MCM10: variants seen among roughly 807,000 people sequenced by gnomAD.
MCM10 encodes the protein minichromosome maintenance 10 replication initiation factor.
MCM10 carries 91 observed loss-of-function variants against 109.9 expected under a neutral mutation model. The observed-to-expected ratio is 0.83, with a 90% confidence interval of 0.70 to 0.99. The LOEUF is 0.99. Among genes scored for constraint, MCM10 ranks in the 50% least tolerant of loss-of-function variants. The pLI is 0.00. For synonymous variants in MCM10, 380 were observed against 387.2 expected (o/e 0.98, Z 0.22); for missense variants, 1,077 against 1,061.2 (o/e 1.01, Z -0.21).
chr10:13,170,056 C>G (rs1588465649), intron 2 of MCM10, among the ~76,000 whole-genome samples: 1 of 152,292 alleles, frequency 6.6e-6, no homozygotes, highest in East Asian at 1.9e-4. Context: ...GTTGAATGAA[C>G]CTGGAATGCA....
chr10:13,201,600 T>C (rs1834500821), intron 17 of MCM10, 66 bp downstream of exon 17: 1 of 1,181,574 alleles, frequency 8.5e-7, no homozygotes, highest in Admixed American at 2.0e-5. Context: ...CTCGGCAGCA[T>C]GTGGAGAACC....
Position 13,209,539 on chromosome 10 carries a change from A to G in MCM10, c.*229A>G, listed in dbSNP as rs567516027. The G allele has an allele frequency of 1.8e-6, 1 of 568,996 alleles. No individual in the cohort carries two copies. The highest frequency in any genetic ancestry group is 1.9e-5 in the African/African-American group (1 of 53,458). The allele number at this position is 568,996 out of a possible 1,614,324, so 35.2% of individuals were successfully genotyped here. ...AGTTATCATTGTCTTTTCTAAGCTC[A>G]GTGTGGATGATTGCATTACTTCATT... On this transcript the variant is annotated 3_prime_UTR_variant, in exon 20 of 20. Coordinates refer to ENST00000378714, the MANE Select transcript of MCM10 (RefSeq NM_018518.5).
intron 9 of MCM10, among the ~76,000 whole-genome samples, chr10:13,187,713 T>C (rs1332134828): frequency 6.6e-6 from 1 of 152,204 alleles, no homozygotes. Flanking sequence ...CAGGTTTTGG[T>C]TTAATCTTTT....
chr10:13,184,048 G>A (rs1174753351), intron 8 of MCM10, among the ~76,000 whole-genome samples: 1 of 151,908 alleles, frequency 6.6e-6, no homozygotes, highest in East Asian at 1.9e-4. Context: ...TATTAGAGAC[G>A]AGTTTTACCA....
chr10:13,173,068 G>T (rs1250137638), intron 5 of MCM10, among the ~76,000 whole-genome samples: 2 of 152,074 alleles, frequency 1.3e-5, no homozygotes, highest in Non-Finnish European at 2.9e-5. Flanking sequence ...AGCCAGGTGT[G>T]TTGCTTGCCT....
At chr10:13,171,710 T>C (rs1834075811) in intron 3 of MCM10, among the ~76,000 whole-genome samples, 1 of 152,188 alleles carries the variant, frequency 6.6e-6, no homozygotes, top group Non-Finnish European at 1.5e-5. Context: ...TTTCTTCTAA[T>C]ACAGAAGCCA....
intron 18 of MCM10, chr10:13,204,585 A>AG: frequency 2.0e-6 from 1 of 488,240 alleles, no homozygotes; most frequent in South Asian, 3.5e-5. Context: ...CTGGCCCATA[A>AG]GGGGTCCTCA....
rs773876113 is a variant in MCM10, at chr10:13,197,632, A to G, written c.1984A>G (p.Ile662Val). 10 of 1,612,908 alleles carry G rather than the reference A, an allele frequency of 6.2e-6. No individual in the cohort carries two copies. Among genetic ancestry groups the G allele is most frequent in the South Asian group, 5.5e-5 (5 of 90,728 alleles). Residue 662 changes from isoleucine (I) to valine (V), a missense_variant, in exon 15 of 20, where the codon ATC becomes GTC. Coordinates refer to ENST00000378714, the MANE Select transcript of MCM10 (RefSeq NM_018518.5). ...ALAEAKKLAA[I>V]TKLRAKGQVL... ...ATTCCCTTTTTTCTAGTTAGCTGCT[A>G]TCACCAAATTAAGGGCAAAAGGCCA... is the stretch of plus-strand genomic sequence containing the variant.
intron 11 of MCM10, among the ~76,000 whole-genome samples, 174 bp from the exon 12 acceptor site, chr10:13,192,081 C>T (rs553592245): frequency 6.6e-6 from 1 of 152,260 alleles, no homozygotes; most frequent in South Asian, 2.1e-4. Flanking sequence ...GATACCCTGC[C>T]ATCCTATGAG....
In MCM10 at chr10:13,195,155, G is replaced by T. The variant is rs138790069; in HGVS notation, c.1860G>T (p.Pro620=). The T allele has an allele frequency of 1.1e-5, 18 of 1,614,066 alleles. No individual in the cohort carries two copies. Among genetic ancestry groups the T allele is most frequent in the Non-Finnish European group, 1.4e-5 (17 of 1,180,002 alleles). ...GSEFPRLEGA[P]ATMTPKLGRG... ...AGTTCCCCAGGCTGGAGGGAGCCCC[G>T]GCCACAATGACGCCCAAGCTGGGGC... is the stretch of plus-strand genomic sequence containing the variant. Residue 620 remains proline (P), a synonymous_variant, in exon 14 of 20, where the codon CCG becomes CCT. Coordinates refer to ENST00000378714, the MANE Select transcript of MCM10 (RefSeq NM_018518.5).
chr10:13,176,187 C>A (rs1279340723), intron 6 of MCM10, among the ~76,000 whole-genome samples: 1 of 151,972 alleles, frequency 6.6e-6, no homozygotes, highest in East Asian at 1.9e-4. Context: ...AATAGCTATG[C>A]TGTTTTTCTT....
At chr10:13,191,972 C>T (rs1834353639) in intron 11 of MCM10, among the ~76,000 whole-genome samples, 1 of 152,168 alleles carries the variant, frequency 6.6e-6, no homozygotes. Context: ...TGGTCAGGGA[C>T]CCTTATCCTT....
At chr10:13,163,441 TC>T (rs1407108781) in intron 1 of MCM10, among the ~76,000 whole-genome samples, 1 of 152,220 alleles carries the variant, frequency 6.6e-6, no homozygotes, top group East Asian at 1.9e-4. Context: ...ATGTATACTT[TC>T]TTACTTGCAG....
intron 16 of MCM10, among the ~76,000 whole-genome samples, chr10:13,200,187 G>T (rs1274059980): frequency 6.6e-6 from 1 of 152,034 alleles, no homozygotes. Flanking sequence ...GTCAACATAG[G>T]TTAAAACCAT....
Position 13,170,953 on chromosome 10 carries a change from A to G in MCM10, c.39A>G (p.Ala13=). 6.2e-7 allele frequency: 1 copy of G among 1,614,134 alleles called. No homozygotes were observed. The change falls in exon 3 of 20, where the codon GCA becomes GCG. Residue 13 remains alanine (A), a synonymous_variant. Transcript: ENST00000378714. Reference sequence around the variant, plus strand: ...AAGACAATCTGTCTCTGCTGACCGCACTGCTGGAAGAAAATGAGTCAGCCT... The same window carrying G: ...AAGACAATCTGTCTCTGCTGACCGCGCTGCTGGAAGAAAATGAGTCAGCCT... ...EEEDNLSLLT[A]LLEENESALD...
intron 6 of MCM10, among the ~76,000 whole-genome samples, chr10:13,177,987 A>ACC (rs1834163803): frequency 6.6e-6 from 1 of 152,146 alleles, no homozygotes; most frequent in Non-Finnish European, 1.5e-5. Context: ...TGCTTTGGTT[A>ACC]CCTGTGCTTT....
At chr10:13,195,430 C>T in intron 14 of MCM10, 161 bp downstream of exon 14, 1 of 597,688 alleles carries the variant, frequency 1.7e-6, no homozygotes, top group Non-Finnish European at 2.9e-6. Flanking sequence ...AAAGTTAGAT[C>T]TGTTATCTCA....
chr10:13,209,324 C>G lies in MCM10; in HGVS notation c.*14C>G, dbSNP rs747488788. On this transcript the variant is annotated 3_prime_UTR_variant, in exon 20 of 20. Transcript: ENST00000378714. ...AGCCTTAAATAACCCGAACTTCAGA[C>G]ATTTTCCCACAGACTTCCTGGCCTC... The G allele has an allele frequency of 5.0e-6, 8 of 1,602,538 alleles. No homozygotes were observed. Among genetic ancestry groups the G allele is most frequent in the Non-Finnish European group, 6.8e-6 (8 of 1,170,794 alleles).
chr10:13,200,019 T>C (rs1834476112), intron 16 of MCM10, among the ~76,000 whole-genome samples: 1 of 152,006 alleles, frequency 6.6e-6, no homozygotes, highest in Non-Finnish European at 1.5e-5. Context: ...CAAGGTCTTT[T>C]TCTGTCCCCC....
Sources: allele counts gnomAD v4.1 joint callset (sites outside exome capture counted in the v4.1 genomes callset), GRCh38; gene constraint gnomAD v4.1.1; transcripts MANE v1.5; gene names NCBI Gene and HGNC (gene_info 2026-07-23, HGNC 2026-07-21).